The following CSRNP3 variants were observed in gnomAD, a reference collection of about 807,000 sequenced individuals.
The protein encoded by CSRNP3 is cysteine/serine-rich nuclear protein 3.
CSRNP3 carries 12 observed loss-of-function variants against 48.0 expected under a neutral mutation model. The observed-to-expected ratio is 0.25, with a 90% CI of 0.16 to 0.41. The LOEUF (loss-of-function observed/expected upper bound fraction) is 0.41. Among genes scored for constraint, CSRNP3 ranks in the 10% least tolerant of loss-of-function variants. CSRNP3 has a pLI of 1.00. For missense variants in CSRNP3, 580 were observed against 724.4 expected (o/e 0.80, Z 2.29); for synonymous variants, 263 against 269.7 (o/e 0.98, Z 0.24).
chr2:165,652,311 A>G (rs903172153), intron 4 of CSRNP3, among the ~76,000 whole-genome samples: 1 of 151,866 alleles, frequency 6.6e-6, no homozygotes, highest in East Asian at 2.0e-4. Context: ...GGAGATTGAG[A>G]TCATCCTGGC....
rs560970390 is a variant in CSRNP3, at chr2:165,563,935, C to A, written c.-23-31108C>A. 2.6e-5 allele frequency among the ~76,000 whole-genome samples: 4 copies of A among 152,148 alleles called. No individual in the cohort carries two copies. The South Asian group carries it at 6.2e-4, about 24-fold the overall frequency. Reference sequence around the variant, plus strand: ...TGAAAATAAAATCTCCCCCGCTCCCCCCAGACAAGTAAACTAATTTATCAT... The same window carrying A: ...TGAAAATAAAATCTCCCCCGCTCCCACCAGACAAGTAAACTAATTTATCAT... On this transcript the variant is annotated intron_variant, in intron 3 of 6. Transcript: ENST00000651982.
At chr2:165,651,847 G>T (rs1282625623) in intron 4 of CSRNP3, among the ~76,000 whole-genome samples, 2 of 151,894 alleles carry the variant, frequency 1.3e-5, no homozygotes, top group Non-Finnish European at 2.9e-5. Context: ...GTAGAGACAG[G>T]ATTTCACCAT....
In CSRNP3 at chr2:165,687,159, GT is replaced by G. The variant is rs1687643373; in HGVS notation, c.*7409del. 6.6e-6 allele frequency: 1 copy of G among 152,036 alleles called. No individual in the cohort carries two copies. Among genetic ancestry groups the G allele is most frequent in the African/African-American group, 2.4e-5 (1 of 41,410 alleles). The allele number at this position is 152,036 out of a possible 1,614,324, so 9.4% of individuals were successfully genotyped here. A position where few individuals can be genotyped will look rare whatever the true frequency, so the allele number is the denominator to read the frequency against. On this transcript the variant is annotated 3_prime_UTR_variant, in exon 7 of 7. Coordinates refer to ENST00000651982, the MANE Select transcript of CSRNP3 (RefSeq NM_001172173.2). ...TACTAGGGGATTCAAGGGAAGTTGG[GT>G]TTCCCCCTACATTTGGTGATTATTA...
intron 3 of CSRNP3, among the ~76,000 whole-genome samples, chr2:165,523,860 C>T (rs1440751448): frequency 6.6e-6 from 1 of 152,198 alleles, no homozygotes; most frequent in East Asian, 1.9e-4. Flanking sequence ...ACAGTGCTCC[C>T]TGGAGATCCA....
At chr2:165,577,785 A>G (rs1275458495) in intron 3 of CSRNP3, among the ~76,000 whole-genome samples, 2 of 151,884 alleles carry the variant, frequency 1.3e-5, no homozygotes, top group African/African-American at 2.4e-5. Flanking sequence ...GCAATTCAGA[A>G]ATCAATTTTG....
intron 5 of CSRNP3, among the ~76,000 whole-genome samples, chr2:165,663,956 G>GA (rs1271019800): frequency 6.6e-6 from 1 of 151,998 alleles, no homozygotes; most frequent in Non-Finnish European, 1.5e-5. Flanking sequence ...GAGGGTAGGA[G>GA]AAAAAAATTT....
chr2:165,657,745 T>G lies in CSRNP3; in HGVS notation c.149-16T>G, dbSNP rs748604034. On this transcript the variant is annotated splice_polypyrimidine_tract_variant and intron_variant, in intron 4 of 6. Coordinates refer to ENST00000651982, the MANE Select transcript of CSRNP3 (RefSeq NM_001172173.2). Reference sequence around the variant, plus strand: ...GCTGCCCCAAGTGTTCACAGGATTGTTTCTTTCTCTTTCAGCTTCCTCCAT... The same window carrying G: ...GCTGCCCCAAGTGTTCACAGGATTGGTTCTTTCTCTTTCAGCTTCCTCCAT... The G allele has an allele frequency of 1.3e-5, 21 of 1,611,468 alleles. No individual in the cohort carries two copies. Among genetic ancestry groups the G allele is most frequent in the Non-Finnish European group, 1.6e-5 (19 of 1,177,902 alleles).
chr2:165,628,545 G>A (rs768538472), intron 4 of CSRNP3, among the ~76,000 whole-genome samples: 1 of 152,014 alleles, frequency 6.6e-6, no homozygotes, highest in Non-Finnish European at 1.5e-5. Flanking sequence ...CCAACGTGGT[G>A]AAACCCCGTC....
chr2:165,484,844 G>A (rs1335200974), intron 1 of CSRNP3, among the ~76,000 whole-genome samples: 1 of 152,184 alleles, frequency 6.6e-6, no homozygotes, highest in Non-Finnish European at 1.5e-5. Context: ...GTGTACTACA[G>A]AATTAGATTG....
intron 3 of CSRNP3, among the ~76,000 whole-genome samples, chr2:165,560,272 T>C (rs1237284145): frequency 1.3e-5 from 2 of 152,180 alleles, no homozygotes; most frequent in Non-Finnish European, 2.9e-5. Context: ...GGAATATCAA[T>C]GTAAATAGTA....
Position 165,680,034 on chromosome 2 carries a change from C to A in CSRNP3, c.*281C>A, listed in dbSNP as rs1687507507. 2.5e-6 allele frequency: 1 copy of A among 399,332 alleles called. No homozygotes were observed. The highest frequency in any genetic ancestry group is 2.0e-5 in the African/African-American group (1 of 49,310). The allele number at this position is 399,332 out of a possible 1,614,324, so 24.7% of individuals were successfully genotyped here. ...TGCCTACCTGTCAAACTGTGTGAAACCTGCCAATCTGTGTAGATCAGAGCT... is the reference window on the plus strand; with the variant it reads ...TGCCTACCTGTCAAACTGTGTGAAAACTGCCAATCTGTGTAGATCAGAGCT... On this transcript the variant is annotated 3_prime_UTR_variant, in exon 7 of 7. Transcript: ENST00000651982.
At chr2:165,646,010 G>A (rs1686806499) in intron 4 of CSRNP3, among the ~76,000 whole-genome samples, 1 of 152,096 alleles carries the variant, frequency 6.6e-6, no homozygotes, top group Non-Finnish European at 1.5e-5. Context: ...CTCCCAAAGT[G>A]CTGGGATAAC....
intron 4 of CSRNP3, among the ~76,000 whole-genome samples, chr2:165,628,568 A>G (rs1216926903): frequency 6.6e-6 from 1 of 152,112 alleles, no homozygotes; most frequent in African/African-American, 2.4e-5. Context: ...TACTAAAAAT[A>G]CAAAAATTAG....
chr2:165,542,741 T>C (rs965760501), intron 3 of CSRNP3, among the ~76,000 whole-genome samples: 2 of 152,134 alleles, frequency 1.3e-5, no homozygotes, highest in Non-Finnish European at 2.9e-5. Context: ...TTTTAAGACT[T>C]TTGATAAGAA....
At chr2:165,583,312 G>A (rs976331796) in intron 3 of CSRNP3, among the ~76,000 whole-genome samples, 8 of 152,180 alleles carry the variant, frequency 5.3e-5, no homozygotes, top group Admixed American at 3.9e-4. Context: ...TTACTCAGGG[G>A]TAATTGTTTG....
rs1687634189 is a variant in CSRNP3 at position 165,686,550 on chromosome 2, G to GA, written c.*6802dup. The GA allele has an allele frequency of 6.6e-6, 1 of 152,032 alleles. No individual in the cohort carries two copies. Among genetic ancestry groups the GA allele is most frequent in the Non-Finnish European group, 1.5e-5 (1 of 67,964 alleles). 9.4% of individuals were successfully genotyped at this position (152,032 alleles called of 1,614,324 possible). ...TCTAAATCTCAATTACCCTAAAGTGGAAAAACCTAAGTATCTAACCTAGGA... is the reference window on the plus strand; with the variant it reads ...TCTAAATCTCAATTACCCTAAAGTGGAAAAAACCTAAGTATCTAACCTAGGA... On this transcript the variant is annotated 3_prime_UTR_variant, in exon 7 of 7. Coordinates refer to ENST00000651982, the MANE Select transcript of CSRNP3 (RefSeq NM_001172173.2).
chr2:165,548,137 T>C (rs1162462127), intron 3 of CSRNP3, among the ~76,000 whole-genome samples: 1 of 152,104 alleles, frequency 6.6e-6, no homozygotes, highest in African/African-American at 2.4e-5. Context: ...TCAAAAACTG[T>C]CTGCCCTTTT....
At chr2:165,621,465 G>A (rs1243143420) in intron 4 of CSRNP3, among the ~76,000 whole-genome samples, 2 of 151,998 alleles carry the variant, frequency 1.3e-5, no homozygotes, top group African/African-American at 2.4e-5. Flanking sequence ...TAGTTTTACC[G>A]ATGAGAAAAG....
At chr2:165,649,745 C>A (rs1686874460) in intron 4 of CSRNP3, among the ~76,000 whole-genome samples, 1 of 152,124 alleles carries the variant, frequency 6.6e-6, no homozygotes. Context: ...ATGCTACTTT[C>A]ATAGTAATAA....
Sources: gnomAD v4.1 joint callset for allele counts (sites outside exome capture counted in the v4.1 genomes callset) on GRCh38, gnomAD v4.1.1 for gene constraint, MANE v1.5 for transcripts, NCBI Gene and HGNC (gene_info 2026-07-23, HGNC 2026-07-21) for gene names.